DSCAM: variants seen among roughly 807,000 people sequenced by gnomAD.
DSCAM encodes cell adhesion molecule DSCAM.
A neutral mutation model predicts 217.7 loss-of-function variants in DSCAM; 47 were observed. The ratio of observed to expected loss-of-function variants is 0.22; its 90% CI spans 0.17 to 0.28. The LOEUF is 0.28. DSCAM is among the 10% of genes least tolerant of loss of function. DSCAM has a pLI of 1.00. For missense variants in DSCAM, 2,080 were observed against 2,618.3 expected, an observed-to-expected ratio of 0.79 and a Z score of 4.49; for synonymous variants, 1,056 against 1,015.3, an observed-to-expected ratio of 1.04 and a Z score of -0.76.
intron 3 of DSCAM, among the ~76,000 whole-genome samples, chr21:40,575,865 A>G (rs751336551): frequency 3.0e-4 from 45 of 152,352 alleles, no homozygotes; most frequent in African/African-American, 5.3e-4. Flanking sequence ...AGAAGAAGAC[A>G]TATCACGTCC....
chr21:40,662,489 C>A (rs1037664663), intron 3 of DSCAM, among the ~76,000 whole-genome samples: 3 of 152,204 alleles, frequency 2.0e-5, no homozygotes, highest in African/African-American at 7.2e-5. Flanking sequence ...AACAAGCATG[C>A]ATTGAACAGC....
At chr21:40,809,725 G>A (rs1263462329) in intron 1 of DSCAM, among the ~76,000 whole-genome samples, 2 of 152,132 alleles carry the variant, frequency 1.3e-5, no homozygotes, top group Non-Finnish European at 2.9e-5. Context: ...TGCCTATGGT[G>A]ATCATTTAAC....
At chr21:40,237,705 C>G (rs1427856812) in intron 11 of DSCAM, among the ~76,000 whole-genome samples, 1 of 152,126 alleles carries the variant, frequency 6.6e-6, no homozygotes, top group Non-Finnish European at 1.5e-5. Flanking sequence ...AGTAGAATAA[C>G]TTATAATCCT....
chr21:40,043,351 T>C (rs1164448666), intron 31 of DSCAM, among the ~76,000 whole-genome samples: 1 of 152,184 alleles, frequency 6.6e-6, no homozygotes, highest in Non-Finnish European at 1.5e-5. Flanking sequence ...ACTCTGAGAC[T>C]CTTCTAAGAG....
intron 20 of DSCAM, among the ~76,000 whole-genome samples, chr21:40,106,367 A>C (rs1023069224): frequency 1.3e-5 from 2 of 152,164 alleles, no homozygotes; most frequent in East Asian, 1.9e-4. Context: ...TGCTGGATTC[A>C]GTTTTTCAGT....
At chr21:40,250,670 T>C (rs8134162) in intron 11 of DSCAM, among the ~76,000 whole-genome samples, 1 of 151,996 alleles carries the variant, frequency 6.6e-6, no homozygotes. Context: ...TTTCCTGAAG[T>C]GGCAGCGACA....
intron 3 of DSCAM, among the ~76,000 whole-genome samples, chr21:40,376,763 C>T (rs144364106): frequency 8.0e-5 from 12 of 149,350 alleles, no homozygotes; most frequent in East Asian, 2.0e-4. Context: ...CAGGCATGAA[C>T]GAGCTACAGA....
At chr21:40,337,747 G>A (rs2074442952) in intron 8 of DSCAM, among the ~76,000 whole-genome samples, 1 of 152,142 alleles carries the variant, frequency 6.6e-6, no homozygotes. Flanking sequence ...AAGAGACCTT[G>A]CTTTTAGGAG....
intron 8 of DSCAM, among the ~76,000 whole-genome samples, chr21:40,321,429 A>G (rs1055593409): frequency 6.6e-6 from 1 of 152,160 alleles, no homozygotes; most frequent in South Asian, 2.1e-4. Context: ...TTTGGTTGCA[A>G]GAAGCTTCGA....
At chr21:40,061,289 C>A (rs2089115286) in intron 28 of DSCAM, among the ~76,000 whole-genome samples, 2 of 152,174 alleles carry the variant, frequency 1.3e-5, no homozygotes, top group African/African-American at 4.8e-5. Context: ...TTAGAGTTAT[C>A]CTTCCGTGGT....
At chr21:40,807,472 T>C (rs1554944) in intron 1 of DSCAM, among the ~76,000 whole-genome samples, 10,129 of 150,732 alleles carry the variant, frequency 0.067, 470 homozygotes, top group Admixed American at 0.14. Context: ...GGGATGGGGG[T>C]GGAGGGCGAG....
At chr21:40,576,788 G>T (rs760828738) in intron 3 of DSCAM, among the ~76,000 whole-genome samples, 2 of 151,902 alleles carry the variant, frequency 1.3e-5, no homozygotes, top group Non-Finnish European at 1.5e-5. Flanking sequence ...TTTACGTAAG[G>T]TTCAAATAAA....
Position 40,257,313 on chromosome 21 carries a change from C to T in DSCAM, c.2356+18784G>A, listed in dbSNP as rs75375187. ...TATGAAACCTAATAAAATACAAGTG[C>T]TATCCAAATAGTTGTTGTATTGTAC... On this transcript the variant is annotated intron_variant, in intron 11 of 32. Transcript: ENST00000400454. 4.5e-3 allele frequency among the ~76,000 whole-genome samples: 680 copies of T among 152,242 alleles called. 2 individuals are homozygous for T. Among genetic ancestry groups the T allele is most frequent in the Non-Finnish European group, 8.1e-3 (551 of 68,026 alleles).
At chr21:40,148,295 C>T (rs1412203899) in intron 16 of DSCAM, among the ~76,000 whole-genome samples, 1 of 151,924 alleles carries the variant, frequency 6.6e-6, no homozygotes, top group East Asian at 1.9e-4. Flanking sequence ...GGAACATATA[C>T]TTTCAGTTTC....
At chr21:40,713,621 T>C (rs537671385) in intron 1 of DSCAM, among the ~76,000 whole-genome samples, 3 of 152,288 alleles carry the variant, frequency 2.0e-5, no homozygotes, top group South Asian at 2.1e-4. Context: ...TGGCCTACTA[T>C]AGCCTAGAAA....
chr21:40,107,035 A>AT (rs963045971), intron 20 of DSCAM, among the ~76,000 whole-genome samples: 18 of 151,284 alleles, frequency 1.2e-4, no homozygotes, highest in African/African-American at 3.4e-4. Context: ...TTTGTTCTTG[A>AT]TTCTCTAGTT....
intron 14 of DSCAM, among the ~76,000 whole-genome samples, chr21:40,186,402 C>T (rs778392609): frequency 1.2e-4 from 19 of 152,154 alleles, no homozygotes; most frequent in Admixed American, 3.9e-4. Context: ...GCTCGAATTC[C>T]TCATATCTTT....
chr21:40,233,638 C>T (rs969769721), intron 11 of DSCAM, among the ~76,000 whole-genome samples: 12 of 152,182 alleles, frequency 7.9e-5, no homozygotes, highest in Non-Finnish European at 1.2e-4. Flanking sequence ...CTCATCCCTG[C>T]CCTCTAGTCT....
chr21:40,485,502 A>C (rs2076020508), intron 3 of DSCAM, among the ~76,000 whole-genome samples: 1 of 151,618 alleles, frequency 6.6e-6, no homozygotes, highest in Non-Finnish European at 1.5e-5. Flanking sequence ...TCGGCCTCCC[A>C]AAGTGCTGGG....
Sources: gnomAD v4.1 joint callset for allele counts (sites outside exome capture counted in the v4.1 genomes callset) on GRCh38, gnomAD v4.1.1 for gene constraint, MANE v1.5 for transcripts, NCBI Gene and HGNC (gene_info 2026-07-23, HGNC 2026-07-21) for gene names.